Variants in SUGCT observed in about 807,000 individuals in gnomAD.
The protein encoded by SUGCT is succinyl-CoA:glutarate-CoA transferase.
In SUGCT, 41 loss-of-function variants were observed where a neutral mutation model predicts 55.0. The ratio of observed to expected loss-of-function variants is 0.74; its 90% CI spans 0.58 to 0.97. The LOEUF (loss-of-function observed/expected upper bound fraction) is 0.97, where lower values mean the gene tolerates loss of function less well. Among genes scored for constraint, SUGCT ranks in the 50% least tolerant of loss-of-function variants. SUGCT has a pLI of 0.00. For missense variants in SUGCT, 568 were observed against 547.8 expected (o/e 1.04, Z -0.37); for synonymous variants, 187 against 200.4 (o/e 0.93, Z 0.56).
chr7:40,303,890 G>T (rs1435376939), intron 8 of SUGCT, among the ~76,000 whole-genome samples: 1 of 152,034 alleles, frequency 6.6e-6, no homozygotes, highest in Non-Finnish European at 1.5e-5. Context: ...GAGGTCAGGA[G>T]TGTGAGACCA....
chr7:40,637,391 A>G (rs1316461934), intron 12 of SUGCT, among the ~76,000 whole-genome samples: 1 of 152,224 alleles, frequency 6.6e-6, no homozygotes, highest in African/African-American at 2.4e-5. Flanking sequence ...AATATCTTGC[A>G]TCAAGGAGAG....
intron 9 of SUGCT, among the ~76,000 whole-genome samples, chr7:40,395,577 A>G (rs1466321310): frequency 6.6e-6 from 1 of 152,046 alleles, no homozygotes; most frequent in East Asian, 1.9e-4. Flanking sequence ...ACATTTTAAC[A>G]AGATCAAAGT....
At chr7:40,261,686 C>T (rs1791232090) in intron 7 of SUGCT, among the ~76,000 whole-genome samples, 2 of 152,128 alleles carry the variant, frequency 1.3e-5, no homozygotes, top group Admixed American at 6.5e-5. Context: ...GGGAGTTAGA[C>T]CAAATGTCTC....
intron 12 of SUGCT, among the ~76,000 whole-genome samples, chr7:40,546,457 G>A (rs562653736): frequency 6.6e-6 from 1 of 152,048 alleles, no homozygotes; most frequent in Admixed American, 6.5e-5. Context: ...CAAAAGTCAG[G>A]GCATTAAAAT....
At chr7:40,415,060 AAATCT>A (rs1412841992) in intron 9 of SUGCT, among the ~76,000 whole-genome samples, 10,446 of 82,810 alleles carry the variant, frequency 0.13, 370 homozygotes, top group East Asian at 0.17. Flanking sequence ...AAAAAAAAAA[AAATCT>A]ATCTATCTAT....
At chr7:40,369,068 T>C (rs1784155114) in intron 9 of SUGCT, among the ~76,000 whole-genome samples, 1 of 151,622 alleles carries the variant, frequency 6.6e-6, no homozygotes, top group Admixed American at 6.6e-5. Flanking sequence ...CACGCCATTG[T>C]ACTCCAGCCT....
At chr7:40,793,873 T>G (rs555008610) in intron 13 of SUGCT, among the ~76,000 whole-genome samples, 24 of 152,264 alleles carry the variant, frequency 1.6e-4, no homozygotes, top group African/African-American at 5.0e-4. Context: ...TTAATGTCTC[T>G]TCAGCTGTAT....
At chr7:41,018,498 CAG>C in the SUGCT span, among the ~76,000 whole-genome samples, 1 of 152,182 alleles carries the variant, frequency 6.6e-6, no homozygotes, top group Non-Finnish European at 1.5e-5. Flanking sequence ...AGATTCAAGT[CAG>C]ATAAAGAGAT....
the SUGCT span, among the ~76,000 whole-genome samples, chr7:40,872,454 T>G: frequency 6.6e-6 from 1 of 152,164 alleles, no homozygotes; most frequent in Non-Finnish European, 1.5e-5. Flanking sequence ...GTTCTTCAAA[T>G]TTGCAGTTAC....
rs117550111 is a variant in SUGCT at position 40,232,943 on chromosome 7, A to G, written c.485-4692A>G. On this transcript the variant is annotated intron_variant, in intron 6 of 13. Coordinates refer to ENST00000335693, the MANE Select transcript of SUGCT (RefSeq NM_001193313.2). ...AGTTGTTTTTGGAATTGTAAAGCTA[A>G]AAATAAAATTTAAAGGAACTATCTG... Among the ~76,000 whole-genome samples the G allele has an allele frequency of 5.0e-3, 764 of 152,288 alleles. 3 individuals carry two copies. The highest frequency in any genetic ancestry group is 0.01 in the Middle Eastern group (3 of 294).
At chr7:40,450,205 G>A (rs1240319631) in intron 10 of SUGCT, among the ~76,000 whole-genome samples, 2 of 151,960 alleles carry the variant, frequency 1.3e-5, no homozygotes, top group Admixed American at 1.3e-4. Flanking sequence ...TAGAATTACA[G>A]GCGTGAACCA....
chr7:40,218,771 G>A (rs1787831157), intron 6 of SUGCT, among the ~76,000 whole-genome samples: 1 of 152,162 alleles, frequency 6.6e-6, no homozygotes, highest in African/African-American at 2.4e-5. Flanking sequence ...TCTGTGTCTA[G>A]CCAAAGGTTT....
rs1474269706 is a variant in SUGCT at position 40,786,917 on chromosome 7, A to G, written c.1153+37420A>G. On this transcript the variant is annotated intron_variant, in intron 13 of 13. Coordinates refer to ENST00000335693, the MANE Select transcript of SUGCT (RefSeq NM_001193313.2). ...AATAGATCAGATTCTAGTAACCAGTATGAATGTACCAGTGCACACAAGCTT... is the reference window on the plus strand; with the variant it reads ...AATAGATCAGATTCTAGTAACCAGTGTGAATGTACCAGTGCACACAAGCTT... Among the ~76,000 whole-genome samples the G allele has an allele frequency of 2.6e-5, 4 of 152,338 alleles. No individual in the cohort carries two copies. The East Asian group carries it at 5.8e-4, about 22-fold the overall frequency.
chr7:40,673,031 A>G (rs1446818392), intron 12 of SUGCT, among the ~76,000 whole-genome samples: 1 of 152,196 alleles, frequency 6.6e-6, no homozygotes, highest in African/African-American at 2.4e-5. Context: ...TGTGTTTTCC[A>G]GAATTTCAGT....
chr7:40,938,606 T>C, the SUGCT span, among the ~76,000 whole-genome samples: 1 of 152,178 alleles, frequency 6.6e-6, no homozygotes, highest in Non-Finnish European at 1.5e-5. Flanking sequence ...ATCACTCAAA[T>C]AGTGTACATT....
At chr7:40,328,472 T>G (rs1308965761) in intron 9 of SUGCT, among the ~76,000 whole-genome samples, 1 of 152,062 alleles carries the variant, frequency 6.6e-6, no homozygotes, top group African/African-American at 2.4e-5. Context: ...GGGACAGAGC[T>G]GGGATGGGAA....
At chr7:40,864,337 A>G (rs1351556080), downstream of SUGCT, among the ~76,000 whole-genome samples, 1 of 152,130 alleles carries the variant, frequency 6.6e-6, no homozygotes, top group African/African-American at 2.4e-5. Context: ...TTGTATTTTA[A>G]GACAGGGTTT....
chr7:40,413,214 A>G (rs1786786790), intron 9 of SUGCT, among the ~76,000 whole-genome samples: 1 of 152,192 alleles, frequency 6.6e-6, no homozygotes, highest in East Asian at 1.9e-4. Context: ...CTAGGCTGGA[A>G]GATTTCCTTT....
chr7:40,196,960 G>A (rs1022309181), intron 6 of SUGCT, among the ~76,000 whole-genome samples: 1 of 151,976 alleles, frequency 6.6e-6, no homozygotes, highest in African/African-American at 2.4e-5. Context: ...TCAGCCACCC[G>A]AGTAGATGGG....
Sources: gnomAD v4.1 joint callset for allele counts (sites outside exome capture counted in the v4.1 genomes callset) on GRCh38, gnomAD v4.1.1 for gene constraint, MANE v1.5 for transcripts, NCBI Gene and HGNC (gene_info 2026-07-23, HGNC 2026-07-21) for gene names.